ACTR3B: variants seen among roughly 807,000 people sequenced by gnomAD.
ACTR3B encodes actin related protein 3B, also known as actin-related protein 3B.
Under a neutral mutation model 59.0 loss-of-function variants are expected in ACTR3B, and 8 were observed. That is an observed-to-expected ratio of 0.14 (90% CI 0.08 to 0.24). The LOEUF is 0.24. ACTR3B is among the 10% of genes least tolerant of loss of function. The pLI, the probability that ACTR3B is intolerant of heterozygous loss-of-function variation, is 1.00. For synonymous variants in ACTR3B, 148 were observed against 197.9 expected, an observed-to-expected ratio of 0.75 and a Z score of 2.12; for missense variants, 245 against 552.3, an observed-to-expected ratio of 0.44 and a Z score of 5.58.
Position 152,839,147 on chromosome 7 carries a change from G to T in ACTR3B, c.952-12979G>T, listed in dbSNP as rs539103946. The stretch of plus-strand genomic sequence containing the variant: ...GGGTACCAGATTTCAGCTCAGCACA[G>T]GGAGAGCTACTTTACAAATTGGTCT... On this transcript the variant is annotated intron_variant, in intron 9 of 11. Coordinates refer to ENST00000256001, the MANE Select transcript of ACTR3B (RefSeq NM_020445.6). Among the ~76,000 whole-genome samples, 1,480 of 149,088 alleles carry T rather than the reference G, an allele frequency of 9.9e-3. 19 individuals carry two copies. The highest frequency in any genetic ancestry group is 0.017 in the Non-Finnish European group (1,179 of 67,580).
chr7:152,821,879 A>G (rs1796196429), intron 7 of ACTR3B, among the ~76,000 whole-genome samples: 1 of 152,234 alleles, frequency 6.6e-6, no homozygotes, highest in South Asian at 2.1e-4. Context: ...GGTTGTGAAC[A>G]GGCCTGAGGG....
In ACTR3B at chr7:152,824,995, G is replaced by A; in HGVS notation, c.859-35G>A. The A allele has an allele frequency of 6.2e-7, 1 of 1,600,590 alleles. No homozygotes were observed. The highest frequency in any genetic ancestry group is 8.5e-7 in the Non-Finnish European group (1 of 1,171,688). On this transcript the variant is annotated intron_variant, in intron 8 of 11. Transcript: ENST00000256001. The surrounding 1 kb of genome is among the most constrained non-coding windows in gnomAD (Gnocchi z 4.2). ...GCATGTTGTTCTATTTGAGAGAAAT[G>A]TGTAATGTTTCTTTTATATTGATAC... is the stretch of plus-strand genomic sequence containing the variant.
intron 1 of ACTR3B, among the ~76,000 whole-genome samples, chr7:152,765,512 G>A (rs2098106870): frequency 6.6e-6 from 1 of 151,412 alleles, no homozygotes. Flanking sequence ...ACTTCTCTCA[G>A]GAGAACGGCC....
chr7:152,851,926 T>TTGG (rs1798836218), intron 9 of ACTR3B, among the ~76,000 whole-genome samples, 200 bp from the exon 10 acceptor site: 1 of 152,094 alleles, frequency 6.6e-6, no homozygotes, highest in African/African-American at 2.4e-5. Flanking sequence ...TAAGGAGCCA[T>TTGG]CTGTGGCACA....
At chr7:152,817,147 G>T (rs1158798764) in intron 6 of ACTR3B, among the ~76,000 whole-genome samples, 1 of 152,062 alleles carries the variant, frequency 6.6e-6, no homozygotes, top group Non-Finnish European at 1.5e-5. Flanking sequence ...CACTTTGGGA[G>T]GCCAAGGCGG....
At chr7:152,818,234 AG>A (rs929692237) in intron 6 of ACTR3B, among the ~76,000 whole-genome samples, 3 of 152,166 alleles carry the variant, frequency 2.0e-5, no homozygotes, top group Admixed American at 2.0e-4. Context: ...ATTTAGGAAA[AG>A]GAAAGAAAAT....
chr7:152,792,336 C>A (rs1413514343), intron 2 of ACTR3B, among the ~76,000 whole-genome samples: 12 of 152,310 alleles, frequency 7.9e-5, no homozygotes, highest in South Asian at 2.1e-4. Flanking sequence ...CATATTTTTG[C>A]TCTTTCCATT....
At chr7:152,792,486 AT>A (rs1053910734) in intron 2 of ACTR3B, among the ~76,000 whole-genome samples, 80 of 151,884 alleles carry the variant, frequency 5.3e-4, no homozygotes, top group African/African-American at 1.9e-3. Flanking sequence ...ACGGTGGCTT[AT>A]GCCTGTAATC....
chr7:152,840,640 G>C (rs985732988), intron 9 of ACTR3B, among the ~76,000 whole-genome samples: 7 of 124,798 alleles, frequency 5.6e-5, no homozygotes, highest in Non-Finnish European at 1.2e-4. Context: ...CTTGTCTTCT[G>C]CTGGGCTCTG....
chr7:152,807,416 A>G (rs1463918023), intron 4 of ACTR3B, among the ~76,000 whole-genome samples: 1 of 151,662 alleles, frequency 6.6e-6, no homozygotes, highest in African/African-American at 2.4e-5. Flanking sequence ...TCTAGTAGGT[A>G]TTTCCTGCTT....
At chr7:152,791,747 C>G (rs554247867) in intron 2 of ACTR3B, among the ~76,000 whole-genome samples, 9 of 152,216 alleles carry the variant, frequency 5.9e-5, no homozygotes. Flanking sequence ...TACTCCTCTC[C>G]CTCTACTGTT....
rs556042634 is a variant in ACTR3B at position 152,831,313 on chromosome 7, C to T, written c.951+6191C>T. ...ATCGAGTAATGTCAGTGAGCACCTG[C>T]AGAGCGCCAGGTCCCACTGCGGGCG... On this transcript the variant is annotated intron_variant, in intron 9 of 11. Coordinates refer to ENST00000256001, the MANE Select transcript of ACTR3B (RefSeq NM_020445.6). Among the ~76,000 whole-genome samples the T allele has an allele frequency of 5.1e-3, 777 of 152,356 alleles. 3 individuals are homozygous for T. The highest frequency in any genetic ancestry group is 9.2e-3 in the Non-Finnish European group (623 of 68,038).
chr7:152,764,993 T>G (rs2098103685), intron 1 of ACTR3B, among the ~76,000 whole-genome samples: 1 of 152,194 alleles, frequency 6.6e-6, no homozygotes, highest in Non-Finnish European at 1.5e-5. Flanking sequence ...CAGCAGTTAG[T>G]TGGAGTGAGC....
Position 152,767,945 on chromosome 7 carries a change from C to T in ACTR3B, c.44+8019C>T, listed in dbSNP as rs142040112. 3.5e-4 allele frequency among the ~76,000 whole-genome samples: 54 copies of T among 152,262 alleles called. 1 individual carries two copies. Among genetic ancestry groups the T allele is most frequent in the African/African-American group, 1.2e-3 (50 of 41,508 alleles). On this transcript the variant is annotated intron_variant, in intron 1 of 11. Transcript: ENST00000256001. ...TATAAAAACTTGTCATTGGGCCTGG[C>T]GCAGTGGCTCACACCTGTAATTGCA...
intron 4 of ACTR3B, among the ~76,000 whole-genome samples, chr7:152,804,322 C>G (rs1349489205): frequency 6.6e-6 from 1 of 152,198 alleles, no homozygotes; most frequent in Non-Finnish European, 1.5e-5. Context: ...ATAAATCCTG[C>G]AAGAGCAAAC....
In ACTR3B at chr7:152,818,724, C is replaced by T. The variant is rs538484142; in HGVS notation, c.541-1575C>T. ...TTGGCCTCCCAAGGTGCTGGGATTA[C>T]AGGCGTGAGCCACTATGCCCGGCCT... On this transcript the variant is annotated intron_variant, in intron 6 of 11. Coordinates refer to ENST00000256001, the MANE Select transcript of ACTR3B (RefSeq NM_020445.6). 2.6e-5 allele frequency among the ~76,000 whole-genome samples: 4 copies of T among 152,398 alleles called. No homozygotes were observed. In the South Asian group the frequency reaches 8.3e-4, roughly 32 times the overall value.
At chr7:152,773,511 C>T (rs961697714) in intron 1 of ACTR3B, among the ~76,000 whole-genome samples, 3 of 151,792 alleles carry the variant, frequency 2.0e-5, no homozygotes, top group Admixed American at 1.3e-4. Flanking sequence ...CGCTTGAACC[C>T]GGGAGGTGGC....
At chr7:152,762,867 A>G (rs1280481066) in intron 1 of ACTR3B, among the ~76,000 whole-genome samples, 2 of 152,200 alleles carry the variant, frequency 1.3e-5, no homozygotes, top group East Asian at 3.8e-4. Context: ...TGTCAGGACT[A>G]CCACAGAAGT....
chr7:152,808,163 C>T (rs1008570242), intron 4 of ACTR3B, among the ~76,000 whole-genome samples: 7 of 152,190 alleles, frequency 4.6e-5, no homozygotes, highest in Admixed American at 2.6e-4. Flanking sequence ...CTTCACTTAG[C>T]GTCTTCAAGC....
Sources: gnomAD v4.1 joint callset for allele counts (sites outside exome capture counted in the v4.1 genomes callset) on GRCh38, gnomAD v4.1.1 for gene constraint, Gnocchi (gnomAD v3.1) non-coding constraint, MANE v1.5 for transcripts, NCBI Gene and HGNC (gene_info 2026-07-23, HGNC 2026-07-21) for gene names.